Variants in TAS2R1 observed in about 807,000 individuals in gnomAD.
TAS2R1 encodes the protein taste receptor type 2 member 1.
For missense variants in TAS2R1, 370 were observed against 353.4 expected (o/e 1.05, Z -0.38); for synonymous variants, 141 against 134.2 (o/e 1.05, Z -0.35).
intron 1 of TAS2R1, among the ~76,000 whole-genome samples, chr5:9,689,932 T>A (rs78951258): frequency 0.031 from 4,768 of 152,286 alleles, 93 homozygotes; most frequent in African/African-American, 0.057. Context: ...CAGCATCATT[T>A]CTATTCTTAT....
upstream of TAS2R1, among the ~76,000 whole-genome samples, chr5:9,634,420 T>TC (rs777703743): frequency 9.9e-5 from 15 of 152,108 alleles, no homozygotes; most frequent in Non-Finnish European, 2.1e-4. Flanking sequence ...GTAGTCTTGC[T>TC]TTGGCTATGT....
intron 1 of TAS2R1, among the ~76,000 whole-genome samples, chr5:9,672,937 A>G (rs772604778): frequency 3.3e-5 from 5 of 152,352 alleles, no homozygotes; most frequent in South Asian, 2.1e-4. Context: ...AAGGTAGTAC[A>G]TATACACCAT....
chr5:9,666,887 A>G (rs1740645202), intron 1 of TAS2R1, among the ~76,000 whole-genome samples: 1 of 152,216 alleles, frequency 6.6e-6, no homozygotes, highest in Non-Finnish European at 1.5e-5. Flanking sequence ...GTTTAAAAAT[A>G]AAGTGATGGG....
the TAS2R1 span, among the ~76,000 whole-genome samples, chr5:9,858,595 C>T: frequency 2.0e-5 from 3 of 152,196 alleles, no homozygotes; most frequent in Non-Finnish European, 4.4e-5. Context: ...ATCTAAACTA[C>T]ATTGTTTAGT....
At chr5:9,676,614 A>G (rs1056884560) in intron 1 of TAS2R1, among the ~76,000 whole-genome samples, 1 of 152,210 alleles carries the variant, frequency 6.6e-6, no homozygotes, top group East Asian at 1.9e-4. Flanking sequence ...TGCAAAATAG[A>G]TTATAAATCC....
chr5:9,821,896 G>A, the TAS2R1 span, among the ~76,000 whole-genome samples: 1 of 152,164 alleles, frequency 6.6e-6, no homozygotes, highest in Admixed American at 6.5e-5. Context: ...CCACGTGTCA[G>A]TTTCACATGT....
Position 9,629,218 on chromosome 5 carries a change from C to T in TAS2R1, c.815G>A (p.Gly272Glu). The T allele has an allele frequency of 6.2e-7, 1 of 1,609,722 alleles. No homozygotes were observed. Among genetic ancestry groups the T allele is most frequent in the Non-Finnish European group, 8.5e-7 (1 of 1,178,744 alleles). ...TCCTAAAATTAAGATGAGAGAGTGTCCAGAAGGGTATATACCAATCACAAG... is the reference window on the plus strand; with the variant it reads ...TCCTAAAATTAAGATGAGAGAGTGTTCAGAAGGGTATATACCAATCACAAG... ...FILVIGIYPS[G>E]HSLILILGNP... The change falls in exon 1 of 1, where the codon GGA (glycine) becomes GAA (glutamate). Residue 272 changes from glycine (G) to glutamate (E), a missense_variant. By Grantham distance (98) the Gly-to-Glu change is moderately conservative (BLOSUM62 -2). Transcript: ENST00000382492.
At chr5:9,646,176 A>C (rs1169836855) in intron 2 of TAS2R1, among the ~76,000 whole-genome samples, 1 of 152,048 alleles carries the variant, frequency 6.6e-6, no homozygotes, top group African/African-American at 2.4e-5. Flanking sequence ...ATATCTGTGG[A>C]AGTTACTTAG....
the TAS2R1 span, among the ~76,000 whole-genome samples, chr5:9,757,403 T>C: frequency 2.6e-5 from 4 of 152,170 alleles, no homozygotes; most frequent in African/African-American, 9.7e-5. Context: ...GAATATTTCC[T>C]ATTTCACAGA....
chr5:9,815,919 C>T, the TAS2R1 span, among the ~76,000 whole-genome samples: 1 of 152,088 alleles, frequency 6.6e-6, no homozygotes, highest in Non-Finnish European at 1.5e-5. Flanking sequence ...CATTAATGTT[C>T]CTGAAACTTA....
chr5:9,655,272 A>G (rs1340528705), intron 2 of TAS2R1, among the ~76,000 whole-genome samples: 1 of 152,228 alleles, frequency 6.6e-6, no homozygotes, highest in Non-Finnish European at 1.5e-5. Context: ...TTGTCAGTAC[A>G]AACTTTATAA....
At chr5:9,845,678 G>C in the TAS2R1 span, among the ~76,000 whole-genome samples, 1 of 152,212 alleles carries the variant, frequency 6.6e-6, no homozygotes, top group African/African-American at 2.4e-5. Context: ...AAAGGCTGAA[G>C]CCGTAATACA....
the TAS2R1 span, among the ~76,000 whole-genome samples, chr5:9,880,606 G>T: frequency 1.4e-4 from 21 of 151,484 alleles, no homozygotes; most frequent in Non-Finnish European, 2.1e-4. Context: ...TAGATGACAA[G>T]AGCACCACCA....
chr5:9,640,701 A>C (rs370666857), intron 2 of TAS2R1, among the ~76,000 whole-genome samples: 1 of 152,104 alleles, frequency 6.6e-6, no homozygotes, highest in Non-Finnish European at 1.5e-5. Context: ...TGCGCCCTGC[A>C]ACACTCAGCT....
the TAS2R1 span, among the ~76,000 whole-genome samples, chr5:9,721,450 TAA>T: frequency 6.6e-6 from 1 of 152,212 alleles, no homozygotes; most frequent in Non-Finnish European, 1.5e-5. Flanking sequence ...CAGCATTATA[TAA>T]GAGTGAAACA....
the TAS2R1 span, among the ~76,000 whole-genome samples, chr5:9,749,062 CT>C: frequency 2.6e-5 from 4 of 152,158 alleles, no homozygotes; most frequent in African/African-American, 9.7e-5. Flanking sequence ...TTTTAGACTT[CT>C]CCCCCTTCTA....
chr5:9,813,971 A>G, the TAS2R1 span, among the ~76,000 whole-genome samples: 1 of 152,038 alleles, frequency 6.6e-6, no homozygotes, highest in Non-Finnish European at 1.5e-5. Context: ...TAGCTCCTCT[A>G]TTTCACTCCA....
At chr5:9,887,583 A>G in the TAS2R1 span, among the ~76,000 whole-genome samples, 5 of 152,042 alleles carry the variant, frequency 3.3e-5, no homozygotes, top group East Asian at 9.7e-4. Flanking sequence ...TGGTGACCCA[A>G]TTCTCCTGAA....
At chr5:9,790,586 C>T in the TAS2R1 span, among the ~76,000 whole-genome samples, 1 of 152,090 alleles carries the variant, frequency 6.6e-6, no homozygotes, top group Admixed American at 6.6e-5. Flanking sequence ...CAATTAAATA[C>T]AGCATTGTGT....
Sources: gnomAD v4.1 joint callset for allele counts (sites outside exome capture counted in the v4.1 genomes callset) on GRCh38, gnomAD v4.1.1 for gene constraint, MANE v1.5 for transcripts, NCBI Gene and HGNC (gene_info 2026-07-23, HGNC 2026-07-21) for gene names.